The following OPCML variants were observed in gnomAD, a reference collection of about 807,000 sequenced individuals.
OPCML encodes opioid-binding protein/cell adhesion molecule.
Under a neutral mutation model 37.8 loss-of-function variants are expected in OPCML, and 13 were observed. That is an observed-to-expected ratio of 0.34 (90% CI 0.22 to 0.55). The LOEUF (loss-of-function observed/expected upper bound fraction) is 0.55. OPCML is among the 20% of genes least tolerant of loss of function. The probability of loss-of-function intolerance (pLI) is 0.91; values close to 1 mark genes in which losing one functional copy is unlikely to be tolerated. For synonymous variants in OPCML, 176 were observed against 168.8 expected, an observed-to-expected ratio of 1.04 and a Z score of -0.33; for missense variants, 341 against 435.6, an observed-to-expected ratio of 0.78 and a Z score of 1.93.
chr11:133,204,778 G>GTTTA (rs1938957218), intron 1 of OPCML, among the ~76,000 whole-genome samples: 1 of 150,202 alleles, frequency 6.7e-6, no homozygotes, highest in Non-Finnish European at 1.5e-5. Context: ...AGGAAAATCA[G>GTTTA]TTTATCAGTT....
chr11:132,437,213 T>A lies in OPCML; in HGVS notation c.643+9A>T. The A allele has an allele frequency of 6.2e-7, 1 of 1,611,346 alleles. No individual in the cohort carries two copies. The highest frequency in any genetic ancestry group is 8.5e-7 in the Non-Finnish European group (1 of 1,177,718). ...TTCCCCAGAACCCCCTGGCTGCAGG[T>A]CCACTCACAGTTTACAGTGATTTTT... is the stretch of plus-strand genomic sequence containing the variant. On this transcript the variant is annotated intron_variant, in intron 5 of 7. Transcript: ENST00000524381.
intron 1 of OPCML, among the ~76,000 whole-genome samples, chr11:133,381,594 G>A (rs1944928803): frequency 6.6e-6 from 1 of 152,170 alleles, no homozygotes; most frequent in South Asian, 2.1e-4. Flanking sequence ...TGGAGAAAGT[G>A]TGGAGTGTGA....
At chr11:132,507,553 C>A (rs930616662) in intron 4 of OPCML, among the ~76,000 whole-genome samples, 1 of 151,524 alleles carries the variant, frequency 6.6e-6, no homozygotes, top group African/African-American at 2.4e-5. Context: ...TATACATTTC[C>A]GAAATTAATT....
chr11:133,034,586 C>A (rs1406726161), intron 1 of OPCML, among the ~76,000 whole-genome samples: 2 of 152,146 alleles, frequency 1.3e-5, no homozygotes, highest in African/African-American at 4.8e-5. Flanking sequence ...AAATTGCTGA[C>A]CTTTACTGTG....
chr11:132,440,896 G>C (rs1440057359), intron 4 of OPCML, among the ~76,000 whole-genome samples: 1 of 152,148 alleles, frequency 6.6e-6, no homozygotes, highest in Non-Finnish European at 1.5e-5. Flanking sequence ...CTCCAGTTCT[G>C]GTTGCAATGT....
intron 1 of OPCML, among the ~76,000 whole-genome samples, chr11:133,322,052 T>C (rs1023757943): frequency 6.6e-6 from 1 of 152,166 alleles, no homozygotes; most frequent in Non-Finnish European, 1.5e-5. Context: ...AACTTTCAAT[T>C]ATTCATTCAA....
chr11:132,992,817 T>C (rs1257193318), intron 1 of OPCML, among the ~76,000 whole-genome samples: 1 of 152,232 alleles, frequency 6.6e-6, no homozygotes, highest in Non-Finnish European at 1.5e-5. Context: ...ATTCATACCA[T>C]AAACTGATTG....
rs956594887 is a variant in OPCML at position 132,966,218 on chromosome 11, C to T, written c.62-23208G>A. Among the ~76,000 whole-genome samples the T allele has an allele frequency of 5.9e-5, 9 of 152,008 alleles. No individual in the cohort carries two copies. In the East Asian group the frequency reaches 9.7e-4, roughly 16 times the overall value. On this transcript the variant is annotated intron_variant, in intron 1 of 7. Transcript: ENST00000524381. ...TGCTTTAACTGTGTTTTGTATGTTT[C>T]GCTATGTTGTGTCTTTAGTTTCATA...
intron 1 of OPCML, among the ~76,000 whole-genome samples, chr11:133,509,911 G>A (rs1948117441): frequency 6.6e-6 from 1 of 152,208 alleles, no homozygotes; most frequent in African/African-American, 2.4e-5. Flanking sequence ...AAAGGCTTTG[G>A]GGGTCCTACC....
At chr11:133,228,554 C>T (rs1476613367) in intron 1 of OPCML, among the ~76,000 whole-genome samples, 1 of 152,244 alleles carries the variant, frequency 6.6e-6, no homozygotes, top group African/African-American at 2.4e-5. Context: ...TGCTCAACAG[C>T]GCCAAAGCGT....
At chr11:132,830,793 T>C (rs1213820187) in intron 2 of OPCML, among the ~76,000 whole-genome samples, 1 of 152,144 alleles carries the variant, frequency 6.6e-6, no homozygotes, top group Non-Finnish European at 1.5e-5. Flanking sequence ...ACAAGAAACA[T>C]ACACGCGTGC....
intron 2 of OPCML, among the ~76,000 whole-genome samples, chr11:132,778,718 C>T (rs1357331037): frequency 6.6e-6 from 1 of 152,092 alleles, no homozygotes; most frequent in Non-Finnish European, 1.5e-5. Flanking sequence ...TTGAGGTCAT[C>T]CAGTTCCGCG....
chr11:132,696,955 AG>A (rs1943622016), intron 2 of OPCML, among the ~76,000 whole-genome samples: 1 of 152,206 alleles, frequency 6.6e-6, no homozygotes, highest in South Asian at 2.1e-4. Flanking sequence ...CCAAACACTA[AG>A]AATAAAGCAA....
At chr11:132,699,818 G>A (rs577884078) in intron 2 of OPCML, among the ~76,000 whole-genome samples, 21 of 151,960 alleles carry the variant, frequency 1.4e-4, no homozygotes, top group African/African-American at 4.8e-4. Flanking sequence ...TTTTCTTGTA[G>A]TATCCTTGTC....
chr11:132,686,214 C>A (rs1409054096), intron 2 of OPCML, among the ~76,000 whole-genome samples: 2 of 152,206 alleles, frequency 1.3e-5, no homozygotes, highest in African/African-American at 4.8e-5. Context: ...CTAACTCAGA[C>A]TGTGCAACTT....
At chr11:133,403,197 T>C (rs934632230) in intron 1 of OPCML, among the ~76,000 whole-genome samples, 3 of 152,194 alleles carry the variant, frequency 2.0e-5, no homozygotes, top group African/African-American at 7.2e-5. Context: ...TGTCTTATCA[T>C]TAGTGACATG....
chr11:133,107,808 C>T (rs1322353387), intron 1 of OPCML, among the ~76,000 whole-genome samples: 10 of 152,220 alleles, frequency 6.6e-5, no homozygotes, highest in African/African-American at 2.4e-4. Context: ...CACAAATGTT[C>T]TGTAACAACT....
chr11:132,732,307 G>A (rs1351035894), intron 2 of OPCML, among the ~76,000 whole-genome samples: 2 of 152,164 alleles, frequency 1.3e-5, no homozygotes, highest in African/African-American at 2.4e-5. Flanking sequence ...ACCTAAGTGG[G>A]GGATAAATGA....
intron 3 of OPCML, among the ~76,000 whole-genome samples, chr11:132,533,276 A>T (rs985328521): frequency 6.6e-6 from 1 of 152,278 alleles, no homozygotes. Flanking sequence ...AGAGGGTTCA[A>T]TGCACAACTA....
Sources: allele counts gnomAD v4.1 joint callset (sites outside exome capture counted in the v4.1 genomes callset), GRCh38; gene constraint gnomAD v4.1.1; transcripts MANE v1.5; gene names NCBI Gene and HGNC (gene_info 2026-07-23, HGNC 2026-07-21).